UNC13C: variants seen among roughly 807,000 people sequenced by gnomAD.
UNC13C encodes the protein protein unc-13 homolog C.
Under a neutral mutation model 245.4 loss-of-function variants are expected in UNC13C, and 174 were observed. The ratio of observed to expected loss-of-function variants is 0.71; its 90% CI spans 0.63 to 0.80. The LOEUF (loss-of-function observed/expected upper bound fraction) is 0.80. Ranked by LOEUF, UNC13C falls within the 30% of genes least tolerant of loss-of-function variation. The pLI, the probability that UNC13C is intolerant of heterozygous loss-of-function variation, is 0.00. For synonymous variants in UNC13C, 992 were observed against 895.1 expected (o/e 1.11, Z -1.93); for missense variants, 2,829 against 2,602.9 (o/e 1.09, Z -1.89).
At chr15:54,043,526 T>C (rs572426681) in intron 2 of UNC13C, among the ~76,000 whole-genome samples, 12 of 152,346 alleles carry the variant, frequency 7.9e-5, no homozygotes, top group Middle Eastern at 6.8e-3. Context: ...TTGTGCTTTT[T>C]TCCTCTGGCT....
At chr15:54,531,035 AG>A (rs148464725) in intron 25 of UNC13C, among the ~76,000 whole-genome samples, 1 of 152,314 alleles carries the variant, frequency 6.6e-6, no homozygotes, top group African/African-American at 2.4e-5. Flanking sequence ...AGGATGGTAA[AG>A]GGGTCTATAG....
intron 30 of UNC13C, among the ~76,000 whole-genome samples, chr15:54,607,934 G>A (rs952351271): frequency 2.6e-5 from 4 of 152,128 alleles, no homozygotes; most frequent in African/African-American, 9.7e-5. Flanking sequence ...AACCATATCA[G>A]ACAAACAGTA....
intron 26 of UNC13C, among the ~76,000 whole-genome samples, chr15:54,535,592 A>G (rs1029502803): frequency 6.6e-6 from 1 of 152,156 alleles, no homozygotes; most frequent in African/African-American, 2.4e-5. Flanking sequence ...CAATCACACA[A>G]TCAGCCACAA....
intron 32 of UNC13C, among the ~76,000 whole-genome samples, chr15:54,625,707 G>A (rs376840446): frequency 8.5e-5 from 13 of 152,098 alleles, no homozygotes; most frequent in East Asian, 1.9e-4. Flanking sequence ...CTCTTATCAC[G>A]TATTAAAACT....
intron 10 of UNC13C, among the ~76,000 whole-genome samples, chr15:54,276,433 A>G (rs1846625389): frequency 6.6e-6 from 1 of 152,130 alleles, no homozygotes; most frequent in African/African-American, 2.4e-5. Context: ...TTCTACTATG[A>G]TGATTATGAC....
At chr15:54,306,099 T>TG (rs1281098004) in intron 13 of UNC13C, among the ~76,000 whole-genome samples, 1 of 152,060 alleles carries the variant, frequency 6.6e-6, no homozygotes. Flanking sequence ...AGTCTGAAAC[T>TG]ATTTTGCTGG....
At chr15:53,842,019 TG>T in the UNC13C span, among the ~76,000 whole-genome samples, 3 of 152,192 alleles carry the variant, frequency 2.0e-5, no homozygotes, top group South Asian at 2.1e-4. Context: ...AAGATGTTGA[TG>T]TCTTTTTAAA....
At position 54,319,791 on chromosome 15, in the gene UNC13C, T is replaced by G. The variant is rs553133970; in HGVS notation, c.4269-2148T>G. On this transcript the variant is annotated intron_variant, in intron 13 of 32. Transcript: ENST00000260323. ...ATAGGATCACATTATATAGTGAAATTTTCTTTCCTCCATGTATATTTTATC... is the reference window on the plus strand; with the variant it reads ...ATAGGATCACATTATATAGTGAAATGTTCTTTCCTCCATGTATATTTTATC... Among the ~76,000 whole-genome samples, 4 of 148,190 alleles carry G rather than the reference T, an allele frequency of 2.7e-5. No individual in the cohort carries two copies. The East Asian group carries it at 7.8e-4, about 29-fold the overall frequency.
At chr15:54,432,985 G>C (rs12439034) in intron 19 of UNC13C, among the ~76,000 whole-genome samples, 2 of 152,012 alleles carry the variant, frequency 1.3e-5, no homozygotes, top group East Asian at 3.9e-4. Flanking sequence ...AAATAAACTA[G>C]AAAATCTAGA....
intron 30 of UNC13C, among the ~76,000 whole-genome samples, chr15:54,575,472 C>A (rs961610329): frequency 6.6e-6 from 1 of 151,804 alleles, no homozygotes; most frequent in Non-Finnish European, 1.5e-5. Flanking sequence ...AAACCCTTTT[C>A]TGAAATGGTT....
Position 54,077,376 on chromosome 15 carries a change from CTT to C in UNC13C, c.2983+61509_2983+61510del, listed in dbSNP as rs768240170. Among the ~76,000 whole-genome samples the C allele has an allele frequency of 3.7e-4, 23 of 62,718 alleles. No individual in the cohort carries two copies. The East Asian group carries it at 3.9e-3, about 11-fold the overall frequency. The allele number at this position is 62,718 out of a possible 152,430, so 41.1% of individuals were successfully genotyped here. Reference sequence around the variant, plus strand: ...TTTTCCTTTTCTTTTCTTTTCTTTTCTTTTTTTTTTTTTTTTTTTTGAGACAG... The same window carrying C: ...TTTTCCTTTTCTTTTCTTTTCTTTTCTTTTTTTTTTTTTTTTTTGAGACAG... On this transcript the variant is annotated intron_variant, in intron 2 of 32. Coordinates refer to ENST00000260323, the MANE Select transcript of UNC13C (RefSeq NM_001080534.3).
In UNC13C at chr15:54,246,729, C is replaced by A. The variant is rs990615639; in HGVS notation, c.3229-3496C>A. ...GAACACATGGACACCTAGAGGGGAA[C>A]AACACACACTGTGGCCTATCGGAGG... is the stretch of plus-strand genomic sequence containing the variant. On this transcript the variant is annotated intron_variant, in intron 7 of 32. Coordinates refer to ENST00000260323, the MANE Select transcript of UNC13C (RefSeq NM_001080534.3). Among the ~76,000 whole-genome samples the A allele has an allele frequency of 2.2e-5, 3 of 138,206 alleles. No individual in the cohort carries two copies. In the East Asian group the frequency reaches 6.7e-4, roughly 31 times the overall value. 90.7% of individuals were successfully genotyped at this position (138,206 alleles called of 152,430 possible).
chr15:53,906,536 C>T, the UNC13C span, among the ~76,000 whole-genome samples: 3 of 152,146 alleles, frequency 2.0e-5, no homozygotes, highest in Non-Finnish European at 1.5e-5. Flanking sequence ...TCCCTTTTTG[C>T]ATGGCATAGA....
At position 54,304,266 on chromosome 15, in the gene UNC13C, T is replaced by G. The variant is rs551300360; in HGVS notation, c.4268+3893T>G. Among the ~76,000 whole-genome samples the G allele has an allele frequency of 2.0e-5, 3 of 152,252 alleles. No homozygotes were observed. The East Asian group carries it at 5.8e-4, about 30-fold the overall frequency. ...GAGGGCATGAGGGCCATAGATTCAC[T>G]GGTCTAAGGAGTGAAAACAAGGCAG... On this transcript the variant is annotated intron_variant, in intron 13 of 32. Transcript: ENST00000260323.
At chr15:54,316,402 A>G (rs2140971176) in intron 13 of UNC13C, among the ~76,000 whole-genome samples, 1 of 151,950 alleles carries the variant, frequency 6.6e-6, no homozygotes. Flanking sequence ...ATCAAACTCT[A>G]TGCCACGCTT....
At chr15:54,613,781 A>T (rs568727304) in intron 30 of UNC13C, among the ~76,000 whole-genome samples, 5 of 152,142 alleles carry the variant, frequency 3.3e-5, no homozygotes, top group African/African-American at 1.2e-4. Context: ...AATATTCTCA[A>T]CTTTTCTAAT....
chr15:54,317,473 G>A (rs566137571), intron 13 of UNC13C, among the ~76,000 whole-genome samples: 34 of 151,960 alleles, frequency 2.2e-4, no homozygotes, highest in African/African-American at 7.2e-4. Flanking sequence ...CCATCTCAAA[G>A]TATAAAATAG....
At chr15:54,245,535 T>C (rs74013531) in intron 7 of UNC13C, among the ~76,000 whole-genome samples, 3,860 of 152,280 alleles carry the variant, frequency 0.025, 162 homozygotes, top group African/African-American at 0.088. Flanking sequence ...TTAGCTCCTA[T>C]AGTCAATCAG....
intron 4 of UNC13C, among the ~76,000 whole-genome samples, chr15:54,149,483 C>T (rs543323916): frequency 1.3e-5 from 2 of 152,242 alleles, no homozygotes; most frequent in South Asian, 2.1e-4. Context: ...TCATCATGCC[C>T]ATATTTTTTC....
Sources: allele counts gnomAD v4.1 joint callset (sites outside exome capture counted in the v4.1 genomes callset), GRCh38; gene constraint gnomAD v4.1.1; transcripts MANE v1.5; gene names NCBI Gene and HGNC (gene_info 2026-07-23, HGNC 2026-07-21).